RABGEF1: variants seen among roughly 807,000 people sequenced by gnomAD.
RABGEF1 encodes RAB guanine nucleotide exchange factor 1.
In RABGEF1, 26 loss-of-function variants were observed where a neutral mutation model predicts 57.3. That is an observed-to-expected ratio of 0.45 (90% CI 0.33 to 0.63). The LOEUF is 0.63. Ranked by LOEUF, RABGEF1 falls within the 20% of genes least tolerant of loss-of-function variation. RABGEF1 has a pLI of 0.02. For synonymous variants in RABGEF1, 185 were observed against 210.7 expected (o/e 0.88, Z 1.06); for missense variants, 464 against 607.6 (o/e 0.76, Z 2.48).
At chr7:66,742,721 C>T (rs1007924550) in intron 1 of RABGEF1, among the ~76,000 whole-genome samples, 2 of 152,154 alleles carry the variant, frequency 1.3e-5, no homozygotes, top group African/African-American at 4.8e-5. Flanking sequence ...ATCCTCCCAC[C>T]TCAGCCTCCC....
chr7:66,708,521 T>C (rs1044669644), intron 1 of RABGEF1, among the ~76,000 whole-genome samples: 5 of 152,146 alleles, frequency 3.3e-5, no homozygotes, highest in Non-Finnish European at 5.9e-5. Flanking sequence ...ACTCCTGACC[T>C]CAAGTGATCC....
At chr7:66,754,159 G>C (rs1367281851) in intron 1 of RABGEF1, among the ~76,000 whole-genome samples, 1 of 150,132 alleles carries the variant, frequency 6.7e-6, no homozygotes, top group Non-Finnish European at 1.5e-5. Context: ...CCTCCAACAC[G>C]CCTGGCTAAT....
chr7:66,715,305 A>C (rs112579186), intron 2 of RABGEF1, among the ~76,000 whole-genome samples: 2 of 152,180 alleles, frequency 1.3e-5, no homozygotes, highest in East Asian at 1.9e-4. Flanking sequence ...TTTTTAAAAA[A>C]ATTTTTGTAG....
intron 2 of RABGEF1, among the ~76,000 whole-genome samples, chr7:66,716,504 G>A (rs1795413223): frequency 6.6e-6 from 1 of 152,142 alleles, no homozygotes; most frequent in Non-Finnish European, 1.5e-5. Flanking sequence ...AGGAGGCTGA[G>A]GCATGAGGAT....
exon 1 of RABGEF1, chr7:66,682,165 C>T (rs1562686166): frequency 6.0e-6 from 1 of 167,478 alleles, no homozygotes; most frequent in Non-Finnish European, 1.5e-5. Context: ...CTGGGGAACC[C>T]AGACCTGCCG....
At chr7:66,680,976 G>A (rs535883746), upstream of RABGEF1, among the ~76,000 whole-genome samples, 9 of 152,184 alleles carry the variant, frequency 5.9e-5, no homozygotes, top group Admixed American at 4.6e-4. Flanking sequence ...CCGGCTACTC[G>A]AGAGGCTGAG....
chr7:66,753,963 C>G (rs1428553531), intron 1 of RABGEF1, among the ~76,000 whole-genome samples: 1 of 149,854 alleles, frequency 6.7e-6, no homozygotes, highest in African/African-American at 2.4e-5. Flanking sequence ...CCTCTGCCTC[C>G]CAAAGTGCTG....
At chr7:66,693,020 C>T (rs1425962583) in intron 1 of RABGEF1, among the ~76,000 whole-genome samples, 7 of 152,166 alleles carry the variant, frequency 4.6e-5, no homozygotes, top group Non-Finnish European at 8.8e-5. Flanking sequence ...AGGCCCAGGC[C>T]CTCCTAGCGG....
At chr7:66,719,900 A>G (rs540758239) in intron 2 of RABGEF1, among the ~76,000 whole-genome samples, 15 of 152,322 alleles carry the variant, frequency 9.8e-5, no homozygotes, top group Non-Finnish European at 1.9e-4. Context: ...TTACAGAACA[A>G]GGTTTGCTGG....
chr7:66,795,664 T>G (rs934957103), intron 5 of RABGEF1, 72 bp downstream of exon 5: 5 of 1,380,340 alleles, frequency 3.6e-6, no homozygotes, highest in Non-Finnish European at 5.2e-6. Flanking sequence ...AGCAATTTCT[T>G]TCTTTCTCTG....
intron 4 of RABGEF1, 64 bp from the exon 5 acceptor site, chr7:66,795,447 A>G (rs1813794898): frequency 6.5e-6 from 9 of 1,381,246 alleles, no homozygotes; most frequent in Middle Eastern, 1.9e-4. Context: ...AAGTTCTTAG[A>G]ATGTAGAGCT....
intron 7 of RABGEF1, among the ~76,000 whole-genome samples, chr7:66,804,504 G>A (rs766359387): frequency 1.3e-5 from 2 of 152,094 alleles, no homozygotes; most frequent in Admixed American, 6.5e-5. Context: ...GGAGGCCAAG[G>A]TGGGCGGATC....
At chr7:66,735,605 T>G (rs977454623) in intron 2 of RABGEF1, among the ~76,000 whole-genome samples, 2 of 151,900 alleles carry the variant, frequency 1.3e-5, no homozygotes, top group Non-Finnish European at 2.9e-5. Context: ...GTGGGGGGGG[T>G]TTCCCCTTTG....
At chr7:66,720,556 A>T (rs1429910249) in intron 2 of RABGEF1, among the ~76,000 whole-genome samples, 1 of 152,038 alleles carries the variant, frequency 6.6e-6, no homozygotes, top group Non-Finnish European at 1.5e-5. Flanking sequence ...AACTATCTCA[A>T]CCAGAAAAAA....
intron 2 of RABGEF1, among the ~76,000 whole-genome samples, chr7:66,732,709 C>T (rs979038303): frequency 3.9e-5 from 6 of 151,976 alleles, no homozygotes; most frequent in South Asian, 4.2e-4. Flanking sequence ...CTCTCTCTCT[C>T]GCTCACTCTC....
intron 1 of RABGEF1, among the ~76,000 whole-genome samples, chr7:66,706,159 C>T (rs985626148): frequency 1.3e-4 from 19 of 151,712 alleles, no homozygotes; most frequent in African/African-American, 3.9e-4. Context: ...GCCTCGGCCT[C>T]GCAAAGTCCT....
At chr7:66,754,202 C>T (rs570363279) in intron 1 of RABGEF1, among the ~76,000 whole-genome samples, 1 of 151,846 alleles carries the variant, frequency 6.6e-6, no homozygotes, top group South Asian at 2.1e-4. Context: ...CGGGGTTTCA[C>T]TATGTTAGCC....
At position 66,805,232 on chromosome 7, in the gene RABGEF1, A is replaced by G; in HGVS notation, c.913A>G (p.Thr305Ala). The change falls in exon 8 of 9, where the codon ACC becomes GCC. Residue 305 changes from threonine to alanine, a missense_variant. By Grantham distance (58) the Thr-to-Ala change is moderately conservative (BLOSUM62 0). Coordinates refer to ENST00000284957, the MANE Select transcript of RABGEF1 (RefSeq NM_014504.3). ...GCACATCTTCAATGCCATCAAGATC[A>G]CCAAGAATGAGCCGGCGTCAGCGGA... The part of the protein sequence containing the change: ...SKHIFNAIKI[T>A]KNEPASADDF... The G allele has an allele frequency of 6.2e-7, 1 of 1,614,186 alleles. No individual in the cohort carries two copies. Among genetic ancestry groups the G allele is most frequent in the South Asian group, 1.1e-5 (1 of 91,086 alleles).
chr7:66,705,876 A>ATTTTTT (rs201838145), intron 1 of RABGEF1, among the ~76,000 whole-genome samples: 1 of 45,150 alleles, frequency 2.2e-5, no homozygotes, highest in African/African-American at 1.0e-4. Context: ...CACCCAGCTA[A>ATTTTTT]TTTTTTTTTT....
Sources: allele counts gnomAD v4.1 joint callset (sites outside exome capture counted in the v4.1 genomes callset), GRCh38; gene constraint gnomAD v4.1.1; transcripts MANE v1.5; gene names NCBI Gene and HGNC (gene_info 2026-07-23, HGNC 2026-07-21).